Variants in SGCZ observed in about 807,000 individuals in gnomAD.
SGCZ encodes the protein zeta-sarcoglycan.
SGCZ carries 40 observed loss-of-function variants against 41.3 expected under a neutral mutation model. That is an observed-to-expected ratio of 0.97 (90% CI 0.75 to 1.26). The LOEUF is 1.26. Among genes scored for constraint, SGCZ ranks in the 50% most tolerant of loss-of-function variants. The pLI is 0.00. For synonymous variants in SGCZ, 206 were observed against 137.5 expected (o/e 1.50, Z -3.49); for missense variants, 552 against 369.8 (o/e 1.49, Z -4.04).
intron 2 of SGCZ, among the ~76,000 whole-genome samples, chr8:14,538,905 A>T (rs1010859737): frequency 6.6e-6 from 1 of 152,098 alleles, no homozygotes; most frequent in East Asian, 1.9e-4. Flanking sequence ...AAGTAGGTCA[A>T]TTAGAAAGCT....
intron 1 of SGCZ, among the ~76,000 whole-genome samples, chr8:14,963,122 G>C (rs780096306): frequency 6.6e-6 from 1 of 152,094 alleles, no homozygotes; most frequent in Non-Finnish European, 1.5e-5. Context: ...AGAAACTTGG[G>C]TCACAAATGA....
At chr8:14,604,881 A>C (rs1433454016) in intron 1 of SGCZ, among the ~76,000 whole-genome samples, 1 of 152,208 alleles carries the variant, frequency 6.6e-6, no homozygotes, top group Non-Finnish European at 1.5e-5. Flanking sequence ...TGATCTCCAA[A>C]TAGACCTTTC....
chr8:14,524,830 T>A (rs1802891183), intron 2 of SGCZ, among the ~76,000 whole-genome samples: 1 of 151,946 alleles, frequency 6.6e-6, no homozygotes. Flanking sequence ...ATCTCCTTTT[T>A]GTTTTTTTTA....
intron 1 of SGCZ, among the ~76,000 whole-genome samples, chr8:14,663,593 G>A (rs981468046): frequency 6.6e-6 from 1 of 152,022 alleles, no homozygotes; most frequent in Admixed American, 6.6e-5. Flanking sequence ...TAATTCAATG[G>A]AATGCTACTT....
At chr8:14,344,206 T>C (rs577050258) in intron 2 of SGCZ, among the ~76,000 whole-genome samples, 1 of 152,090 alleles carries the variant, frequency 6.6e-6, no homozygotes, top group Middle Eastern at 3.4e-3. Context: ...TACAGAGGAA[T>C]AGAGGAGACC....
At chr8:14,558,680 A>G (rs1236563123) in intron 1 of SGCZ, among the ~76,000 whole-genome samples, 1 of 151,868 alleles carries the variant, frequency 6.6e-6, no homozygotes, top group Admixed American at 6.6e-5. Flanking sequence ...GGACATAACA[A>G]TGACAACAAA....
intron 1 of SGCZ, among the ~76,000 whole-genome samples, chr8:15,147,068 A>C (rs1196304287): frequency 6.6e-6 from 1 of 152,214 alleles, no homozygotes; most frequent in Non-Finnish European, 1.5e-5. Flanking sequence ...TTCAAAAGTT[A>C]GATCCAAGAT....
intron 1 of SGCZ, among the ~76,000 whole-genome samples, chr8:14,990,268 G>C (rs1801963171): frequency 6.6e-6 from 1 of 152,060 alleles, no homozygotes; most frequent in Non-Finnish European, 1.5e-5. Context: ...ACATAAAAAA[G>C]AAAATACCCT....
chr8:14,133,979 C>A (rs1449125579), intron 5 of SGCZ, among the ~76,000 whole-genome samples: 2 of 152,114 alleles, frequency 1.3e-5, no homozygotes, highest in African/African-American at 4.8e-5. Context: ...ATTTTACTTC[C>A]TATTTCAAAT....
chr8:15,034,004 C>T (rs893156500), intron 1 of SGCZ, among the ~76,000 whole-genome samples: 4 of 152,112 alleles, frequency 2.6e-5, no homozygotes, highest in African/African-American at 9.7e-5. Flanking sequence ...AAAATAATTT[C>T]CTGCTTCTTT....
chr8:14,681,794 T>C (rs1322662311), intron 1 of SGCZ, among the ~76,000 whole-genome samples: 1 of 152,176 alleles, frequency 6.6e-6, no homozygotes, highest in Non-Finnish European at 1.5e-5. Flanking sequence ...TGTTTTTTAA[T>C]GTTCTCCTCT....
chr8:14,182,366 A>G (rs1451823553), intron 4 of SGCZ, among the ~76,000 whole-genome samples: 1 of 152,150 alleles, frequency 6.6e-6, no homozygotes, highest in Non-Finnish European at 1.5e-5. Context: ...CAGGAAATCC[A>G]GTCTTATTGC....
At chr8:14,228,257 G>A (rs1159355831) in intron 4 of SGCZ, among the ~76,000 whole-genome samples, 1 of 151,992 alleles carries the variant, frequency 6.6e-6, no homozygotes, top group African/African-American at 2.4e-5. Context: ...TCCCACAAAG[G>A]AAGCCTCATT....
intron 4 of SGCZ, among the ~76,000 whole-genome samples, chr8:14,172,391 A>G (rs1804410592): frequency 6.6e-6 from 1 of 152,154 alleles, no homozygotes; most frequent in Non-Finnish European, 1.5e-5. Flanking sequence ...TTATTTCATT[A>G]GCAAATGAAA....
At chr8:14,286,716 C>G (rs1195404466) in intron 3 of SGCZ, among the ~76,000 whole-genome samples, 1 of 152,044 alleles carries the variant, frequency 6.6e-6, no homozygotes, top group Non-Finnish European at 1.5e-5. Context: ...AGAATTAATA[C>G]TAAATTATTC....
intron 2 of SGCZ, among the ~76,000 whole-genome samples, chr8:14,371,736 C>T (rs1193785197): frequency 1.3e-5 from 2 of 151,938 alleles, no homozygotes; most frequent in East Asian, 3.9e-4. Context: ...TATGCACTGC[C>T]AACTATAAAT....
At chr8:14,576,936 G>T (rs961515173) in intron 1 of SGCZ, among the ~76,000 whole-genome samples, 1 of 152,160 alleles carries the variant, frequency 6.6e-6, no homozygotes, top group Admixed American at 6.6e-5. Flanking sequence ...TACCCGTGAG[G>T]ACATTCATTC....
intron 1 of SGCZ, among the ~76,000 whole-genome samples, chr8:14,645,005 G>T (rs1197879757): frequency 2.0e-5 from 3 of 150,616 alleles, no homozygotes; most frequent in Non-Finnish European, 4.4e-5. Context: ...CAGTCTATCT[G>T]CAGGTGGTCT....
At chr8:15,106,865 T>C (rs962966486) in intron 1 of SGCZ, among the ~76,000 whole-genome samples, 2 of 152,104 alleles carry the variant, frequency 1.3e-5, no homozygotes, top group African/African-American at 2.4e-5. Context: ...GGAGTCTGTA[T>C]CACAGGAAGG....
Sources: gnomAD v4.1 joint callset for allele counts (sites outside exome capture counted in the v4.1 genomes callset) on GRCh38, gnomAD v4.1.1 for gene constraint, MANE v1.5 for transcripts, NCBI Gene and HGNC (gene_info 2026-07-23, HGNC 2026-07-21) for gene names.